Variants in KLF17 observed in about 807,000 individuals in gnomAD.
KLF17 encodes KLF transcription factor 17.
A neutral mutation model predicts 34.2 loss-of-function variants in KLF17; 31 were observed. That is an observed-to-expected ratio of 0.91 (90% CI 0.68 to 1.22). The LOEUF (loss-of-function observed/expected upper bound fraction) is 1.22. KLF17 is among the 50% of genes most tolerant of loss of function. The probability of loss-of-function intolerance (pLI) is 0.00; values close to 1 mark genes in which losing one functional copy is unlikely to be tolerated. For missense variants in KLF17, 478 were observed against 505.2 expected (o/e 0.95, Z 0.52); for synonymous variants, 179 against 186.7 (o/e 0.96, Z 0.34).
intron 3 of KLF17, among the ~76,000 whole-genome samples, chr1:44,131,486 A>G (rs1053346720): frequency 1.3e-5 from 2 of 152,170 alleles, no homozygotes; most frequent in African/African-American, 4.8e-5. Context: ...TTCTTGGATC[A>G]CTATGCTTTG....
chr1:44,090,718 C>T, the KLF17 span, among the ~76,000 whole-genome samples: 1 of 152,032 alleles, frequency 6.6e-6, no homozygotes, highest in Non-Finnish European at 1.5e-5. Flanking sequence ...TCAGAAAAGT[C>T]GCGCTTCTGG....
chr1:44,068,730 C>A, the KLF17 span, among the ~76,000 whole-genome samples: 1 of 152,320 alleles, frequency 6.6e-6, no homozygotes, highest in Non-Finnish European at 1.5e-5. Flanking sequence ...GGGTCACAGG[C>A]TGGGGTTATG....
At chr1:44,132,266 A>G (rs2088120504) in intron 3 of KLF17, among the ~76,000 whole-genome samples, 1 of 152,112 alleles carries the variant, frequency 6.6e-6, no homozygotes, top group South Asian at 2.1e-4. Context: ...AGATTGTGCC[A>G]TTGCACTCCA....
the KLF17 span, among the ~76,000 whole-genome samples, chr1:44,051,684 C>G: frequency 1.3e-5 from 2 of 148,258 alleles, no homozygotes; most frequent in Non-Finnish European, 3.0e-5. Context: ...GTTTTATTTT[C>G]AGTCCTAAGA....
the KLF17 span, among the ~76,000 whole-genome samples, chr1:44,068,246 A>G: frequency 2.0e-5 from 3 of 151,190 alleles, no homozygotes; most frequent in African/African-American, 7.3e-5. Context: ...GCTGTCTCAA[A>G]CTCCTGACCT....
At chr1:44,120,777 C>A (rs2087936429) in intron 1 of KLF17, among the ~76,000 whole-genome samples, 1 of 152,172 alleles carries the variant, frequency 6.6e-6, no homozygotes, top group Admixed American at 6.5e-5. Flanking sequence ...TTACCTAGTT[C>A]CTATTATATG....
At chr1:44,130,343 G>A in intron 2 of KLF17, 147 bp downstream of exon 2, 3 of 1,418,236 alleles carry the variant, frequency 2.1e-6, no homozygotes, top group Non-Finnish European at 9.7e-7. Flanking sequence ...TTGCCATACA[G>A]GAGGACTGTG....
chr1:44,054,618 C>T, the KLF17 span, among the ~76,000 whole-genome samples: 1 of 151,088 alleles, frequency 6.6e-6, no homozygotes, highest in African/African-American at 2.4e-5. Context: ...GTAGCTGGGA[C>T]TACAGGCGCT....
the KLF17 span, among the ~76,000 whole-genome samples, chr1:44,087,724 T>TTATATATA: frequency 1.3e-5 from 1 of 75,648 alleles, no homozygotes; most frequent in African/African-American, 4.6e-5. Context: ...CCTATATATT[T>TTATATATA]TATATATATA....
At chr1:44,065,610 A>G in the KLF17 span, among the ~76,000 whole-genome samples, 1 of 151,894 alleles carries the variant, frequency 6.6e-6, no homozygotes, top group Non-Finnish European at 1.5e-5. Flanking sequence ...GGGTTTCACC[A>G]TGTTGCCCAG....
chr1:44,064,164 A>G, the KLF17 span, among the ~76,000 whole-genome samples: 1 of 152,216 alleles, frequency 6.6e-6, no homozygotes, highest in East Asian at 1.9e-4. Flanking sequence ...AAGGCATAAT[A>G]TGCTAAACAT....
At chr1:44,119,645 CTCTGT>C (rs1162707458) in intron 1 of KLF17, among the ~76,000 whole-genome samples, 1 of 151,898 alleles carries the variant, frequency 6.6e-6, no homozygotes, top group Admixed American at 6.5e-5. Flanking sequence ...ACAGCTGAGA[CTCTGT>C]TCTGGGACTA....
At chr1:44,095,334 G>A in the KLF17 span, among the ~76,000 whole-genome samples, 7 of 151,220 alleles carry the variant, frequency 4.6e-5, no homozygotes, top group African/African-American at 1.7e-4. Flanking sequence ...TCCTGCCTCA[G>A]CCTACCGAGT....
At chr1:44,057,019 G>T in the KLF17 span, among the ~76,000 whole-genome samples, 2 of 152,034 alleles carry the variant, frequency 1.3e-5, no homozygotes, top group South Asian at 4.2e-4. Flanking sequence ...TCATTCCTGC[G>T]TGGAAACCAT....
upstream of KLF17, chr1:44,113,929 G>A (rs72886003): frequency 0.097 from 14,759 of 152,454 alleles, 783 homozygotes; most frequent in African/African-American, 0.14. Flanking sequence ...AAGGTAACAG[G>A]GAAAATGGCA....
the KLF17 span, among the ~76,000 whole-genome samples, chr1:44,070,363 G>A: frequency 2.9e-4 from 44 of 152,032 alleles, no homozygotes; most frequent in African/African-American, 9.2e-4. Context: ...TCGCCCTTCC[G>A]AATTTCCATT....
the KLF17 span, among the ~76,000 whole-genome samples, chr1:44,055,374 G>T: frequency 5.3e-5 from 8 of 152,136 alleles, no homozygotes; most frequent in Non-Finnish European, 8.8e-5. Flanking sequence ...GGGATTGATG[G>T]CCAGCCAAAA....
chr1:44,082,028 G>A, the KLF17 span, among the ~76,000 whole-genome samples: 1 of 152,038 alleles, frequency 6.6e-6, no homozygotes, highest in African/African-American at 2.4e-5. Context: ...ACCATATATT[G>A]GGAAAGTTAA....
chr1:44,103,173 G>A, the KLF17 span: 2 of 568,602 alleles, frequency 3.5e-6, no homozygotes, highest in African/African-American at 1.9e-5. Flanking sequence ...AAACTCCTCC[G>A]CAGGTGGGCT....
Sources: gnomAD v4.1 joint callset for allele counts (sites outside exome capture counted in the v4.1 genomes callset) on GRCh38, gnomAD v4.1.1 for gene constraint, MANE v1.5 for transcripts, NCBI Gene and HGNC (gene_info 2026-07-23, HGNC 2026-07-21) for gene names.